CCSER1: variants seen among roughly 807,000 people sequenced by gnomAD.
The protein encoded by CCSER1 is serine-rich coiled-coil domain-containing protein 1.
Under a neutral mutation model 82.0 loss-of-function variants are expected in CCSER1, and 41 were observed. That is an observed-to-expected ratio of 0.50 (90% CI 0.39 to 0.65). The LOEUF is 0.65. CCSER1 is among the 30% of genes least tolerant of loss of function. The pLI is 0.00. For missense variants in CCSER1, 1,119 were observed against 1,064.2 expected, an observed-to-expected ratio of 1.05 and a Z score of -0.72; for synonymous variants, 414 against 383.9, an observed-to-expected ratio of 1.08 and a Z score of -0.92.
At chr4:90,642,041 A>C (rs1233990186) in intron 6 of CCSER1, 1 of 278,102 alleles carries the variant, frequency 3.6e-6, no homozygotes, top group Non-Finnish European at 8.2e-6. Context: ...TTCAAGCTGC[A>C]ACATAACAGG....
intron 10 of CCSER1, among the ~76,000 whole-genome samples, chr4:91,313,998 G>A (rs1001026313): frequency 1.3e-5 from 2 of 151,864 alleles, no homozygotes; most frequent in African/African-American, 4.8e-5. Flanking sequence ...TTTTTACCAC[G>A]TTACTACTGA....
chr4:91,297,367 G>A (rs1435762386), intron 10 of CCSER1, among the ~76,000 whole-genome samples: 1 of 95,078 alleles, frequency 1.1e-5, no homozygotes, highest in African/African-American at 4.3e-5. Context: ...ATGGATGCTT[G>A]TGTGTGTGTG....
At chr4:90,413,694 G>A (rs1402290467) in intron 4 of CCSER1, among the ~76,000 whole-genome samples, 1 of 151,266 alleles carries the variant, frequency 6.6e-6, no homozygotes, top group African/African-American at 2.4e-5. Flanking sequence ...CCTCCCTCAC[G>A]CCTGTAATCC....
At chr4:90,548,006 A>T (rs1215239898) in intron 5 of CCSER1, among the ~76,000 whole-genome samples, 1 of 152,144 alleles carries the variant, frequency 6.6e-6, no homozygotes, top group Non-Finnish European at 1.5e-5. Context: ...TTTAGCTAAA[A>T]TTTTACTCAA....
intron 10 of CCSER1, among the ~76,000 whole-genome samples, chr4:91,421,298 C>T (rs1753670129): frequency 6.6e-6 from 1 of 152,070 alleles, no homozygotes; most frequent in Non-Finnish European, 1.5e-5. Context: ...ACCAGGAAAG[C>T]CTATGGTGTA....
intron 7 of CCSER1, among the ~76,000 whole-genome samples, chr4:90,811,920 C>A (rs1245485417): frequency 6.7e-6 from 1 of 148,806 alleles, no homozygotes; most frequent in Non-Finnish European, 1.5e-5. Context: ...TACACACACA[C>A]ACACACACAC....
intron 1 of CCSER1, among the ~76,000 whole-genome samples, chr4:90,211,948 C>T (rs759178473): frequency 2.6e-5 from 4 of 152,078 alleles, no homozygotes; most frequent in African/African-American, 7.2e-5. Flanking sequence ...ACAGGACAAA[C>T]GATCTTAGCA....
chr4:90,396,211 T>G (rs1406775474), intron 3 of CCSER1, among the ~76,000 whole-genome samples: 1 of 152,212 alleles, frequency 6.6e-6, no homozygotes, highest in Non-Finnish European at 1.5e-5. Flanking sequence ...TCACTCTACT[T>G]CTACATTCTG....
At chr4:90,572,167 G>T (rs867329062) in intron 5 of CCSER1, among the ~76,000 whole-genome samples, 1 of 152,220 alleles carries the variant, frequency 6.6e-6, no homozygotes, top group Middle Eastern at 3.4e-3. Flanking sequence ...TCTAGGCTTT[G>T]AATATGTCAT....
At chr4:90,473,608 A>G (rs915103473) in intron 5 of CCSER1, among the ~76,000 whole-genome samples, 16 of 152,186 alleles carry the variant, frequency 1.1e-4, no homozygotes, top group African/African-American at 3.9e-4. Context: ...AACCTATTTT[A>G]TTCTTAGAGG....
intron 10 of CCSER1, among the ~76,000 whole-genome samples, chr4:91,203,080 A>G (rs1382170985): frequency 6.6e-5 from 10 of 151,942 alleles, no homozygotes; most frequent in Admixed American, 6.6e-4. Flanking sequence ...AAATTGATTG[A>G]AATATGGTTG....
intron 10 of CCSER1, among the ~76,000 whole-genome samples, chr4:91,132,022 G>T (rs1014277899): frequency 1.3e-5 from 2 of 151,896 alleles, no homozygotes; most frequent in Non-Finnish European, 2.9e-5. Context: ...AAAGTTACCT[G>T]AGGTTTTCAG....
chr4:91,513,213 C>A (rs948524346), intron 10 of CCSER1, among the ~76,000 whole-genome samples: 7 of 152,056 alleles, frequency 4.6e-5, no homozygotes, highest in African/African-American at 7.2e-5. Flanking sequence ...TTTTATGCAT[C>A]TATGGAGATG....
chr4:90,770,227 T>C (rs1751864457), intron 7 of CCSER1, among the ~76,000 whole-genome samples: 1 of 152,250 alleles, frequency 6.6e-6, no homozygotes, highest in Non-Finnish European at 1.5e-5. Flanking sequence ...AGACCTTTAG[T>C]TACAAGACCC....
rs1307754839 is a variant in CCSER1, at chr4:91,566,648, T to C, written c.2218-31924T>C. On this transcript the variant is annotated intron_variant, in intron 10 of 10. Coordinates refer to ENST00000509176, the MANE Select transcript of CCSER1 (RefSeq NM_001145065.2). ...GTATATGTCCAGGAATTTATCCATC[T>C]CTTCTAGATTTTCTAGTTTGTGTGT... is the stretch of plus-strand genomic sequence containing the variant. Among the ~76,000 whole-genome samples, 4 of 150,846 alleles carry C rather than the reference T, an allele frequency of 2.7e-5. No individual in the cohort carries two copies. The South Asian group carries it at 6.2e-4, about 23-fold the overall frequency.
At chr4:90,659,461 C>T (rs961289872) in intron 6 of CCSER1, among the ~76,000 whole-genome samples, 16 of 152,136 alleles carry the variant, frequency 1.1e-4, no homozygotes, top group East Asian at 9.7e-4. Flanking sequence ...GCAGATTAGT[C>T]ATCCCCCCAA....
At chr4:91,154,170 T>C (rs1046342305) in intron 10 of CCSER1, among the ~76,000 whole-genome samples, 13 of 151,976 alleles carry the variant, frequency 8.6e-5, no homozygotes, top group African/African-American at 3.1e-4. Context: ...AGTTGAAGCT[T>C]CCCTGGCTGC....
intron 6 of CCSER1, among the ~76,000 whole-genome samples, chr4:90,689,657 A>C (rs866425186): frequency 6.6e-6 from 1 of 152,076 alleles, no homozygotes; most frequent in African/African-American, 2.4e-5. Flanking sequence ...CTTAAGATTT[A>C]GATGTAAGTG....
chr4:91,108,585 G>A (rs6830428), intron 10 of CCSER1, among the ~76,000 whole-genome samples: 2,144 of 152,230 alleles, frequency 0.014, 54 homozygotes, highest in African/African-American at 0.047. Context: ...ATACTCTGAC[G>A]TATAGTACTT....
Sources: gnomAD v4.1 joint callset for allele counts (sites outside exome capture counted in the v4.1 genomes callset) on GRCh38, gnomAD v4.1.1 for gene constraint, MANE v1.5 for transcripts, NCBI Gene and HGNC (gene_info 2026-07-23, HGNC 2026-07-21) for gene names.